The following SUPT3H variants were observed in gnomAD, a reference collection of about 807,000 sequenced individuals.
SUPT3H encodes the protein transcription initiation protein SPT3 homolog.
SUPT3H carries 44 observed loss-of-function variants against 44.3 expected under a neutral mutation model. The observed-to-expected ratio is 0.99, with a 90% CI of 0.78 to 1.28. The LOEUF is 1.28. Among genes scored for constraint, SUPT3H ranks in the 50% most tolerant of loss-of-function variants. The pLI is 0.00. For missense variants in SUPT3H, 380 were observed against 387.1 expected (o/e 0.98, Z 0.15); for synonymous variants, 124 against 125.6 (o/e 0.99, Z 0.09).
intron 3 of SUPT3H, among the ~76,000 whole-genome samples, chr6:45,092,181 ATTCCAT>A (rs1797205593): frequency 6.6e-6 from 1 of 151,974 alleles, no homozygotes; most frequent in Admixed American, 6.6e-5. Context: ...GGTCCTTTCC[ATTCCAT>A]TTTCCTCCTA....
At chr6:44,842,065 C>T in intron 10 of SUPT3H, among the ~76,000 whole-genome samples, 1 of 152,026 alleles carries the variant, frequency 6.6e-6, no homozygotes, top group South Asian at 2.1e-4. Context: ...CATTTAGAGG[C>T]CTGAATGGAG....
At chr6:44,859,097 A>G (rs1406063204) in intron 10 of SUPT3H, among the ~76,000 whole-genome samples, 1 of 152,206 alleles carries the variant, frequency 6.6e-6, no homozygotes, top group Non-Finnish European at 1.5e-5. Flanking sequence ...CTTGATATAA[A>G]GAGGTAAAAA....
At chr6:44,878,866 T>C (rs948330875) in intron 10 of SUPT3H, among the ~76,000 whole-genome samples, 3 of 152,142 alleles carry the variant, frequency 2.0e-5, no homozygotes, top group Admixed American at 2.0e-4. Context: ...TGAGGGACCA[T>C]GCTGTGAGGA....
chr6:44,896,981 C>A (rs746850429), intron 10 of SUPT3H, among the ~76,000 whole-genome samples: 4 of 152,150 alleles, frequency 2.6e-5, no homozygotes, highest in Admixed American at 6.5e-5. Context: ...AATGCTAAAT[C>A]TATTTCTGAG....
intron 2 of SUPT3H, among the ~76,000 whole-genome samples, chr6:45,130,611 C>T (rs557195271): frequency 1.5e-4 from 21 of 141,690 alleles, no homozygotes; most frequent in East Asian, 4.2e-4. Context: ...AAGTAATTTA[C>T]GGGTATCCTT....
chr6:45,035,065 T>C (rs1787475879), intron 3 of SUPT3H, among the ~76,000 whole-genome samples: 1 of 152,216 alleles, frequency 6.6e-6, no homozygotes, highest in Non-Finnish European at 1.5e-5. Context: ...TAATATAGTT[T>C]CTATGGAGTA....
intron 2 of SUPT3H, among the ~76,000 whole-genome samples, chr6:45,309,804 T>G (rs999827024): frequency 1.6e-4 from 24 of 152,168 alleles, no homozygotes; most frequent in African/African-American, 5.6e-4. Flanking sequence ...AGCAGTTTTC[T>G]CGGTAGACAC....
At chr6:44,838,171 T>C (rs1228642407) in intron 10 of SUPT3H, among the ~76,000 whole-genome samples, 1 of 152,230 alleles carries the variant, frequency 6.6e-6, no homozygotes, top group Non-Finnish European at 1.5e-5. Context: ...CCTGAGAAGA[T>C]ATATTTTTAC....
intron 3 of SUPT3H, among the ~76,000 whole-genome samples, chr6:45,083,131 T>C (rs1381097979): frequency 6.6e-6 from 1 of 150,912 alleles, no homozygotes; most frequent in Non-Finnish European, 1.5e-5. Context: ...ATGACACAAA[T>C]GGAAAAACAT....
chr6:44,879,247 C>T (rs1433046595), intron 10 of SUPT3H, among the ~76,000 whole-genome samples: 1 of 152,138 alleles, frequency 6.6e-6, no homozygotes, highest in African/African-American at 2.4e-5. Context: ...GTGGGAGGGG[C>T]GTCCACCATT....
chr6:45,163,046 T>C lies in SUPT3H; in HGVS notation c.102-57040A>G, dbSNP rs1347468072. On this transcript the variant is annotated intron_variant, in intron 2 of 10. Coordinates refer to ENST00000371459, the MANE Select transcript of SUPT3H (RefSeq NM_003599.4). ...AAGATCTTTTGCTGGCCTATGAAAT[T>C]ACAGAACAACATATATATTGCAAGA... Among the ~76,000 whole-genome samples, 3 of 152,130 alleles carry C rather than the reference T, an allele frequency of 2.0e-5. No individual in the cohort carries two copies. In the East Asian group the frequency reaches 5.8e-4, roughly 29 times the overall value.
chr6:45,101,847 T>C (rs1251692745), intron 3 of SUPT3H, among the ~76,000 whole-genome samples: 1 of 152,186 alleles, frequency 6.6e-6, no homozygotes, highest in Non-Finnish European at 1.5e-5. Context: ...TTTTATTTTC[T>C]ACTCATATCC....
At chr6:45,361,867 A>G (rs1249513677) in intron 2 of SUPT3H, among the ~76,000 whole-genome samples, 1 of 152,178 alleles carries the variant, frequency 6.6e-6, no homozygotes, top group Non-Finnish European at 1.5e-5. Context: ...CCTGGCCAAC[A>G]TGGTGAAACC....
rs182424496 is a variant in SUPT3H, at chr6:45,195,105, G to A, written c.102-89099C>T. On this transcript the variant is annotated intron_variant, in intron 2 of 10. Coordinates refer to ENST00000371459, the MANE Select transcript of SUPT3H (RefSeq NM_003599.4). Reference sequence around the variant, plus strand: ...AACAATGAATTGGCACAAAAAATTGGCTTTTTGTGGCAGGATAATGGAAAA... The same window carrying A: ...AACAATGAATTGGCACAAAAAATTGACTTTTTGTGGCAGGATAATGGAAAA... 2.5e-3 allele frequency among the ~76,000 whole-genome samples: 386 copies of A among 152,132 alleles called. 1 individual carries two copies. Among genetic ancestry groups the A allele is most frequent in the Middle Eastern group, 3.4e-3 (1 of 294 alleles).
intron 2 of SUPT3H, among the ~76,000 whole-genome samples, chr6:45,313,543 C>T (rs998076983): frequency 5.3e-5 from 8 of 151,106 alleles, no homozygotes; most frequent in Non-Finnish European, 7.4e-5. Flanking sequence ...AAACCTAGAA[C>T]AGATGGATCA....
At chr6:45,164,161 G>A (rs1191477627) in intron 2 of SUPT3H, among the ~76,000 whole-genome samples, 1 of 152,146 alleles carries the variant, frequency 6.6e-6, no homozygotes, top group African/African-American at 2.4e-5. Flanking sequence ...GCAGTGCAGT[G>A]TAGTTCAAGT....
At chr6:45,370,578 A>G (rs1563042242) in intron 1 of SUPT3H, among the ~76,000 whole-genome samples, 1 of 152,204 alleles carries the variant, frequency 6.6e-6, no homozygotes, top group African/African-American at 2.4e-5. Flanking sequence ...GTATAAGGAT[A>G]TAAGGATCAA....
intron 10 of SUPT3H, among the ~76,000 whole-genome samples, chr6:44,901,017 T>A (rs1196548872): frequency 3.3e-5 from 5 of 151,940 alleles, no homozygotes; most frequent in Admixed American, 2.6e-4. Context: ...CAAAACCCCA[T>A]CTATACGTGA....
chr6:44,929,385 T>C (rs559378560), intron 10 of SUPT3H, among the ~76,000 whole-genome samples: 13 of 152,322 alleles, frequency 8.5e-5, no homozygotes, highest in South Asian at 2.1e-4. Flanking sequence ...GATATATATA[T>C]ACACATTGTT....
Sources: gnomAD v4.1 joint callset for allele counts (sites outside exome capture counted in the v4.1 genomes callset) on GRCh38, gnomAD v4.1.1 for gene constraint, MANE v1.5 for transcripts, NCBI Gene and HGNC (gene_info 2026-07-23, HGNC 2026-07-21) for gene names.